Variants in ADCY8 observed in about 807,000 individuals in gnomAD.
ADCY8 encodes the protein adenylate cyclase 8.
Under a neutral mutation model 119.7 loss-of-function variants are expected in ADCY8, and 51 were observed. That is an observed-to-expected ratio of 0.43 (90% confidence interval 0.34 to 0.54). The LOEUF (loss-of-function observed/expected upper bound fraction) is 0.54. Ranked by LOEUF, ADCY8 falls within the 20% of genes least tolerant of loss-of-function variation. The pLI is 0.03. For missense variants in ADCY8, 1,383 were observed against 1,598.8 expected, an observed-to-expected ratio of 0.87 and a Z score of 2.30; for synonymous variants, 665 against 651.0, an observed-to-expected ratio of 1.02 and a Z score of -0.33.
At chr8:130,930,589 G>A (rs1473467761) in intron 5 of ADCY8, among the ~76,000 whole-genome samples, 1 of 151,924 alleles carries the variant, frequency 6.6e-6, no homozygotes, top group Non-Finnish European at 1.5e-5. Flanking sequence ...ATAGGTTTTT[G>A]CTTTGTGGTT....
At position 131,040,170 on chromosome 8, in the gene ADCY8, C is replaced by G; in HGVS notation, c.164G>C (p.Arg55Pro). 1 of 1,533,838 alleles carries G rather than the reference C, an allele frequency of 6.5e-7. No homozygotes were observed. Among genetic ancestry groups the G allele is most frequent in the East Asian group, 2.4e-5 (1 of 40,856 alleles). The change falls in exon 1 of 18, where the codon CGG becomes CCG. Residue 55 changes from arginine to proline, a missense_variant. Arg to Pro is a moderately radical substitution (Grantham distance 103). Coordinates refer to ENST00000286355, the MANE Select transcript of ADCY8 (RefSeq NM_001115.3). The stretch of plus-strand genomic sequence containing the variant: ...TCCACTCCCGCTGCCGCTGCCTCCC[C>G]GGTGCCCGTGAATGAAGCGCTGCTC... Reference protein sequence around the residue: ...ITEQRFIHGHRGGSGSGSGGS... With the variant: ...ITEQRFIHGHPGGSGSGSGGS...
At chr8:130,812,175 C>T (rs192310577) in intron 14 of ADCY8, among the ~76,000 whole-genome samples, 3 of 152,302 alleles carry the variant, frequency 2.0e-5, no homozygotes, top group African/African-American at 7.2e-5. Flanking sequence ...TTGCATGATC[C>T]TCCTATCCAC....
intron 7 of ADCY8, among the ~76,000 whole-genome samples, chr8:130,902,696 A>G (rs955099968): frequency 1.3e-5 from 2 of 152,158 alleles, no homozygotes; most frequent in African/African-American, 4.8e-5. Context: ...TTTCTTATCT[A>G]TAAGTTAATG....
At chr8:130,978,816 A>G (rs1822150951) in intron 2 of ADCY8, among the ~76,000 whole-genome samples, 1 of 152,190 alleles carries the variant, frequency 6.6e-6, no homozygotes, top group South Asian at 2.1e-4. Context: ...GATTTTGATA[A>G]GATGTATTTG....
chr8:130,887,230 A>G (rs2130471619), intron 7 of ADCY8, among the ~76,000 whole-genome samples: 1 of 152,222 alleles, frequency 6.6e-6, no homozygotes, highest in Non-Finnish European at 1.5e-5. Flanking sequence ...TTCTGCTGCC[A>G]TTGGCCACTT....
intron 1 of ADCY8, among the ~76,000 whole-genome samples, chr8:131,033,466 G>A (rs190130363): frequency 2.6e-5 from 4 of 152,218 alleles, no homozygotes; most frequent in Admixed American, 6.5e-5. Flanking sequence ...TGACATTGTA[G>A]CAGCTGCTCT....
intron 9 of ADCY8, among the ~76,000 whole-genome samples, chr8:130,850,967 A>T (rs1817506900): frequency 2.6e-5 from 4 of 152,290 alleles, no homozygotes; most frequent in Admixed American, 6.5e-5. Flanking sequence ...TTTCCAGATG[A>T]AGATTCAAGG....
At chr8:130,900,252 A>G (rs1331500936) in intron 7 of ADCY8, among the ~76,000 whole-genome samples, 2 of 152,224 alleles carry the variant, frequency 1.3e-5, no homozygotes, top group South Asian at 2.1e-4. Context: ...GGGGCAGACA[A>G]GACACAGCAT....
At chr8:130,891,959 A>G (rs534773425) in intron 7 of ADCY8, 11 of 152,290 alleles carry the variant, frequency 7.2e-5, no homozygotes, top group African/African-American at 2.6e-4. Flanking sequence ...TTAGTTAGAA[A>G]TCATGCTTAC....
At chr8:130,926,714 A>G (rs1405690413) in intron 5 of ADCY8, among the ~76,000 whole-genome samples, 1 of 152,054 alleles carries the variant, frequency 6.6e-6, no homozygotes, top group African/African-American at 2.4e-5. Flanking sequence ...GAAATTTTGT[A>G]TCTTTTGATT....
intron 1 of ADCY8, among the ~76,000 whole-genome samples, chr8:131,033,844 G>T (rs548914620): frequency 2.6e-5 from 4 of 151,662 alleles, no homozygotes; most frequent in African/African-American, 9.7e-5. Context: ...GAGACTCTCT[G>T]GGTATCTTTT....
At chr8:130,970,141 C>A (rs1825438737) in intron 2 of ADCY8, among the ~76,000 whole-genome samples, 2 of 152,174 alleles carry the variant, frequency 1.3e-5, no homozygotes, top group Non-Finnish European at 2.9e-5. Flanking sequence ...CTCCCTAGAT[C>A]AGCAGTCCCC....
At chr8:130,895,680 T>G (rs1370976649) in intron 7 of ADCY8, among the ~76,000 whole-genome samples, 1 of 152,176 alleles carries the variant, frequency 6.6e-6, no homozygotes, top group Non-Finnish European at 1.5e-5. Flanking sequence ...ACTGGAAGAA[T>G]GCAGCTTGAC....
intron 1 of ADCY8, among the ~76,000 whole-genome samples, chr8:131,023,161 A>G (rs572183387): frequency 6.6e-6 from 1 of 152,332 alleles, no homozygotes; most frequent in East Asian, 1.9e-4. Context: ...TGTGCAAACC[A>G]TATAATGCAG....
At chr8:131,010,839 T>C (rs1200726721) in intron 1 of ADCY8, among the ~76,000 whole-genome samples, 1 of 152,200 alleles carries the variant, frequency 6.6e-6, no homozygotes, top group African/African-American at 2.4e-5. Flanking sequence ...AGAAAGGAAA[T>C]TTGGCTATCC....
chr8:130,933,812 T>A (rs1305816775), intron 5 of ADCY8, among the ~76,000 whole-genome samples: 1 of 152,244 alleles, frequency 6.6e-6, no homozygotes, highest in Admixed American at 6.5e-5. Flanking sequence ...TCCAATGTTA[T>A]CTCTGTAACA....
chr8:130,877,864 C>G (rs1032937980), intron 8 of ADCY8, among the ~76,000 whole-genome samples: 1 of 152,086 alleles, frequency 6.6e-6, no homozygotes, highest in Non-Finnish European at 1.5e-5. Context: ...CAATGAGCTA[C>G]AAGGCTGTAC....
At chr8:131,037,618 T>C (rs1015496747) in intron 1 of ADCY8, among the ~76,000 whole-genome samples, 2 of 151,600 alleles carry the variant, frequency 1.3e-5, no homozygotes, top group Non-Finnish European at 2.9e-5. Context: ...AAACAACTCA[T>C]AGTGAGTTAG....
intron 2 of ADCY8, among the ~76,000 whole-genome samples, chr8:130,965,304 A>T (rs1821728070): frequency 6.6e-6 from 1 of 152,148 alleles, no homozygotes; most frequent in Non-Finnish European, 1.5e-5. Flanking sequence ...GGGCACAAAG[A>T]TGGAAATAAT....
Sources: allele counts gnomAD v4.1 joint callset (sites outside exome capture counted in the v4.1 genomes callset), GRCh38; gene constraint gnomAD v4.1.1; transcripts MANE v1.5; gene names NCBI Gene and HGNC (gene_info 2026-07-23, HGNC 2026-07-21).